GRID2: variants seen among roughly 807,000 people sequenced by gnomAD.
GRID2 encodes the protein glutamate receptor ionotropic, delta-2.
Under a neutral mutation model 114.8 loss-of-function variants are expected in GRID2, and 33 were observed. That is an observed-to-expected ratio of 0.29 (90% CI 0.22 to 0.38). GRID2 has a LOEUF of 0.38. Ranked by LOEUF, GRID2 falls within the 10% of genes least tolerant of loss-of-function variation. GRID2 has a pLI of 1.00. For missense variants in GRID2, 1,184 were observed against 1,257.7 expected (o/e 0.94, Z 0.89); for synonymous variants, 505 against 449.9 (o/e 1.12, Z -1.55).
intron 2 of GRID2, among the ~76,000 whole-genome samples, chr4:92,975,292 T>A (rs1753800861): frequency 6.6e-6 from 1 of 152,072 alleles, no homozygotes. Context: ...TAATACTTTT[T>A]TTTCTTTAAA....
intron 1 of GRID2, among the ~76,000 whole-genome samples, chr4:92,585,361 T>A (rs550617323): frequency 1.4e-3 from 206 of 152,170 alleles, no homozygotes; most frequent in African/African-American, 4.6e-3. Flanking sequence ...TATATGTTAG[T>A]CAAAATTAAG....
chr4:93,116,410 G>A (rs1370178710), intron 4 of GRID2, among the ~76,000 whole-genome samples: 2 of 152,058 alleles, frequency 1.3e-5, no homozygotes, highest in Admixed American at 1.3e-4. Context: ...TATAAATATT[G>A]TTCACTGTAC....
At chr4:92,814,700 C>T (rs187892657) in intron 2 of GRID2, among the ~76,000 whole-genome samples, 1 of 152,262 alleles carries the variant, frequency 6.6e-6, no homozygotes, top group East Asian at 1.9e-4. Flanking sequence ...CACAAGGAGA[C>T]TGCACATTGA....
chr4:93,652,282 C>T (rs1346970198), intron 14 of GRID2, among the ~76,000 whole-genome samples: 1 of 151,894 alleles, frequency 6.6e-6, no homozygotes, highest in East Asian at 1.9e-4. Context: ...CAAGATATCT[C>T]GTAAGAAATC....
chr4:93,360,600 A>T (rs1436474389), intron 8 of GRID2, among the ~76,000 whole-genome samples: 1 of 151,936 alleles, frequency 6.6e-6, no homozygotes, highest in African/African-American at 2.4e-5. Context: ...TTGTGGTCAG[A>T]TAATGTGAAC....
At chr4:93,766,982 AG>A (rs1410826127) in intron 14 of GRID2, among the ~76,000 whole-genome samples, 4 of 152,334 alleles carry the variant, frequency 2.6e-5, no homozygotes, top group Admixed American at 6.5e-5. Flanking sequence ...ATTCATGAAT[AG>A]GCCAGGAAAG....
In GRID2 at chr4:92,855,808, A is replaced by G. The variant is rs577542309; in HGVS notation, c.245-229187A>G. On this transcript the variant is annotated intron_variant, in intron 2 of 15. Transcript: ENST00000282020. ...AATTTCCTGACTAGAAATAAATACT[A>G]TCTTAGAGATCAATGGAGTACAAGA... Among the ~76,000 whole-genome samples the G allele has an allele frequency of 3.9e-4, 59 of 152,098 alleles. 1 individual carries two copies. The highest frequency in any genetic ancestry group is 1.2e-3 in the Admixed American group (18 of 15,242).
chr4:93,524,018 C>A (rs1440748953), intron 13 of GRID2, among the ~76,000 whole-genome samples: 1 of 151,932 alleles, frequency 6.6e-6, no homozygotes, highest in Admixed American at 6.6e-5. Context: ...GTAAAAATGC[C>A]AAAGTAGATG....
chr4:93,124,106 T>TAAAA (rs35906944), intron 4 of GRID2, among the ~76,000 whole-genome samples: 5 of 131,206 alleles, frequency 3.8e-5, no homozygotes, highest in African/African-American at 1.4e-4. Flanking sequence ...TAAAGTATAA[T>TAAAA]AAAAAAAAAA....
intron 1 of GRID2, among the ~76,000 whole-genome samples, chr4:92,563,984 A>G (rs1727221438): frequency 6.6e-6 from 1 of 152,008 alleles, no homozygotes; most frequent in African/African-American, 2.4e-5. Context: ...TCAAGGTTCT[A>G]CTTAAACTAT....
chr4:93,587,156 T>C (rs2149604211), intron 13 of GRID2, among the ~76,000 whole-genome samples: 1 of 152,180 alleles, frequency 6.6e-6, no homozygotes, highest in East Asian at 1.9e-4. Flanking sequence ...TACCCAGCAT[T>C]CTTTGTGCCA....
In GRID2 at chr4:92,641,045, A is replaced by C. The variant is rs550018303; in HGVS notation, c.244+50759A>C. 1.3e-3 allele frequency among the ~76,000 whole-genome samples: 202 copies of C among 151,778 alleles called. 1 individual carries two copies. The highest frequency in any genetic ancestry group is 4.5e-3 in the African/African-American group (186 of 41,470). The stretch of plus-strand genomic sequence containing the variant: ...AAGAAGAGAGGGAAGGAAAGAAAAA[A>C]CTTGTCAAATATTTCATAGCTGATC... On this transcript the variant is annotated intron_variant, in intron 2 of 15. Transcript: ENST00000282020.
intron 8 of GRID2, among the ~76,000 whole-genome samples, chr4:93,292,498 T>C (rs1229498485): frequency 6.6e-6 from 1 of 152,178 alleles, no homozygotes; most frequent in African/African-American, 2.4e-5. Context: ...TTTTAGGCCC[T>C]TTTCTTTCCC....
chr4:92,654,498 G>T (rs574721789), intron 2 of GRID2, among the ~76,000 whole-genome samples: 1 of 152,116 alleles, frequency 6.6e-6, no homozygotes, highest in East Asian at 1.9e-4. Flanking sequence ...GTGACAAGTA[G>T]TTATGTAGAG....
chr4:93,681,461 C>T (rs1180971938), intron 14 of GRID2, among the ~76,000 whole-genome samples: 12 of 151,392 alleles, frequency 7.9e-5, no homozygotes, highest in East Asian at 1.9e-4. Context: ...AAAAAGAGCC[C>T]GCATTGCCAA....
At chr4:93,040,144 G>C (rs1444916506) in intron 2 of GRID2, among the ~76,000 whole-genome samples, 1 of 152,058 alleles carries the variant, frequency 6.6e-6, no homozygotes, top group Non-Finnish European at 1.5e-5. Flanking sequence ...GTATAGGATA[G>C]ATAGAGCAAA....
Position 93,213,398 on chromosome 4 carries a change from T to A in GRID2, c.790-3340T>A, listed in dbSNP as rs1299338854. On this transcript the variant is annotated intron_variant, in intron 5 of 15. Coordinates refer to ENST00000282020, the MANE Select transcript of GRID2 (RefSeq NM_001510.4). ...CTTAATCTTAATACTAAAATCTTCT[T>A]TATTTAGAATTGTTTAACATTTTAA... Among the ~76,000 whole-genome samples, 3 of 152,270 alleles carry A rather than the reference T, an allele frequency of 2.0e-5. No homozygotes were observed. The East Asian group carries it at 5.8e-4, about 29-fold the overall frequency.
At chr4:93,478,273 G>A (rs1725508875) in intron 11 of GRID2, among the ~76,000 whole-genome samples, 1 of 152,080 alleles carries the variant, frequency 6.6e-6, no homozygotes, top group Admixed American at 6.6e-5. Context: ...AAATCAGCAT[G>A]TAAGGTTTAT....
chr4:92,718,676 T>C (rs748996434), intron 2 of GRID2, among the ~76,000 whole-genome samples: 41 of 148,660 alleles, frequency 2.8e-4, no homozygotes, highest in Non-Finnish European at 5.0e-4. Flanking sequence ...GGCAGGAAGA[T>C]TGCTTGAACC....
Sources: gnomAD v4.1 joint callset for allele counts (sites outside exome capture counted in the v4.1 genomes callset) on GRCh38, gnomAD v4.1.1 for gene constraint, MANE v1.5 for transcripts, NCBI Gene and HGNC (gene_info 2026-07-23, HGNC 2026-07-21) for gene names.